TMTC2: variants seen among roughly 807,000 people sequenced by gnomAD.
The protein encoded by TMTC2 is protein O-mannosyl-transferase TMTC2.
TMTC2 carries 43 observed loss-of-function variants against 82.4 expected under a neutral mutation model. The observed-to-expected ratio is 0.52, with a 90% CI of 0.41 to 0.67. TMTC2 has a LOEUF of 0.67. Among genes scored for constraint, TMTC2 ranks in the 30% least tolerant of loss-of-function variants. TMTC2 has a pLI of 0.00. For synonymous variants in TMTC2, 408 were observed against 381.9 expected (o/e 1.07, Z -0.80); for missense variants, 919 against 1,012.4 (o/e 0.91, Z 1.25).
intron 10 of TMTC2, among the ~76,000 whole-genome samples, chr12:83,056,390 C>T (rs937769128): frequency 2.6e-5 from 4 of 151,710 alleles, no homozygotes; most frequent in African/African-American, 9.7e-5. Flanking sequence ...TAATTTCTTC[C>T]CTAATTTCTA....
At chr12:82,840,732 A>G (rs1870287570) in intron 1 of TMTC2, among the ~76,000 whole-genome samples, 1 of 152,202 alleles carries the variant, frequency 6.6e-6, no homozygotes, top group Admixed American at 6.5e-5. Flanking sequence ...GGTCAGCAAA[A>G]GGCTAAACTA....
At chr12:82,921,316 C>T (rs368103434) in intron 3 of TMTC2, among the ~76,000 whole-genome samples, 3 of 152,138 alleles carry the variant, frequency 2.0e-5, no homozygotes, top group African/African-American at 7.2e-5. Context: ...ACATCTGCTA[C>T]TTAGGAGGCT....
intron 2 of TMTC2, among the ~76,000 whole-genome samples, chr12:82,872,789 A>G (rs1424236184): frequency 6.6e-6 from 1 of 152,186 alleles, no homozygotes; most frequent in Admixed American, 6.6e-5. Context: ...TATTTATACA[A>G]AAAAGGCCTA....
intron 4 of TMTC2, among the ~76,000 whole-genome samples, chr12:82,955,495 G>C (rs969493471): frequency 6.6e-6 from 1 of 152,062 alleles, no homozygotes; most frequent in Non-Finnish European, 1.5e-5. Context: ...AGGGTTGTTA[G>C]GGGAGATGGG....
intron 7 of TMTC2, among the ~76,000 whole-genome samples, chr12:82,967,745 G>A (rs1171272342): frequency 1.3e-5 from 2 of 152,050 alleles, no homozygotes; most frequent in Non-Finnish European, 2.9e-5. Flanking sequence ...AAAGAGAAGA[G>A]AAGCATTTTG....
intron 8 of TMTC2, among the ~76,000 whole-genome samples, chr12:82,996,732 GT>G (rs1023262495): frequency 6.6e-6 from 1 of 152,136 alleles, no homozygotes; most frequent in African/African-American, 2.4e-5. Flanking sequence ...AAGTATTGTG[GT>G]TTTTAGAGGT....
intron 7 of TMTC2, among the ~76,000 whole-genome samples, chr12:82,980,439 T>C (rs1356849658): frequency 1.3e-5 from 2 of 151,788 alleles, no homozygotes; most frequent in Non-Finnish European, 3.0e-5. Flanking sequence ...TCAAACTCCA[T>C]GGAGAGACTA....
At chr12:82,875,322 A>C (rs1256819438) in intron 2 of TMTC2, among the ~76,000 whole-genome samples, 2 of 151,856 alleles carry the variant, frequency 1.3e-5, no homozygotes, top group East Asian at 3.9e-4. Context: ...CTCTTCTGTC[A>C]TGAGGATATT....
chr12:82,726,059 C>G (rs1047690575), intron 1 of TMTC2, among the ~76,000 whole-genome samples: 1 of 152,154 alleles, frequency 6.6e-6, no homozygotes, highest in Admixed American at 6.5e-5. Context: ...CAAAGGACCA[C>G]TTTGCAGGGC....
intron 11 of TMTC2, among the ~76,000 whole-genome samples, chr12:83,122,390 T>C (rs1297868746): frequency 6.6e-6 from 1 of 151,820 alleles, no homozygotes; most frequent in Non-Finnish European, 1.5e-5. Context: ...GATTTCCTTC[T>C]CCCTGGGGCC....
chr12:82,918,763 T>C (rs550591349), intron 3 of TMTC2, among the ~76,000 whole-genome samples: 61 of 152,080 alleles, frequency 4.0e-4, no homozygotes, highest in Middle Eastern at 3.4e-3. Flanking sequence ...TCTCTCTCTC[T>C]CTCCCTCTCT....
chr12:82,730,359 A>G (rs1592881999), intron 1 of TMTC2, among the ~76,000 whole-genome samples: 2 of 152,132 alleles, frequency 1.3e-5, no homozygotes, highest in South Asian at 2.1e-4. Context: ...ATAAAAAACA[A>G]CCACTTTAAT....
chr12:82,731,970 G>T (rs1247494723), intron 1 of TMTC2, among the ~76,000 whole-genome samples: 1 of 152,102 alleles, frequency 6.6e-6, no homozygotes, highest in Non-Finnish European at 1.5e-5. Context: ...TCTTTCCCTG[G>T]CTTTGCTCAT....
intron 8 of TMTC2, among the ~76,000 whole-genome samples, chr12:83,007,421 C>T (rs573945969): frequency 6.6e-6 from 1 of 152,090 alleles, no homozygotes; most frequent in East Asian, 1.9e-4. Context: ...TATTTCCTCT[C>T]CTAGTGTATC....
intron 1 of TMTC2, among the ~76,000 whole-genome samples, chr12:82,702,719 C>A (rs188930949): frequency 2.2e-4 from 33 of 152,278 alleles, no homozygotes; most frequent in African/African-American, 6.5e-4. Context: ...TTAAGCCCAG[C>A]AGTTTGAGAC....
chr12:82,863,565 T>A (rs73360206), intron 2 of TMTC2, among the ~76,000 whole-genome samples: 7,720 of 152,240 alleles, frequency 0.051, 665 homozygotes, highest in African/African-American at 0.17. Context: ...AATAAGATAT[T>A]GTATTCCTGC....
chr12:83,058,890 A>G (rs1882639532), intron 10 of TMTC2, among the ~76,000 whole-genome samples: 1 of 151,880 alleles, frequency 6.6e-6, no homozygotes, highest in Non-Finnish European at 1.5e-5. Context: ...GAGATATTTC[A>G]GGAAGTAAGA....
chr12:82,880,228 G>A (rs190087892), intron 2 of TMTC2, among the ~76,000 whole-genome samples: 95 of 152,270 alleles, frequency 6.2e-4, no homozygotes, highest in African/African-American at 2.1e-3. Context: ...TTCAAGAGTG[G>A]AATTTCCTGA....
At chr12:83,063,179 C>G (rs749290550) in intron 11 of TMTC2, among the ~76,000 whole-genome samples, 6 of 150,870 alleles carry the variant, frequency 4.0e-5, no homozygotes, top group Non-Finnish European at 8.8e-5. Flanking sequence ...CCTGTTTGTT[C>G]TTCTTCTCTT....
Sources: gnomAD v4.1 joint callset for allele counts (sites outside exome capture counted in the v4.1 genomes callset) on GRCh38, gnomAD v4.1.1 for gene constraint, MANE v1.5 for transcripts, NCBI Gene and HGNC (gene_info 2026-07-23, HGNC 2026-07-21) for gene names.